Variants in SERPINB8 observed in about 807,000 individuals in gnomAD.
SERPINB8 encodes the protein serpin B8.
A neutral mutation model predicts 35.3 loss-of-function variants in SERPINB8; 25 were observed. That is an observed-to-expected ratio of 0.71 (90% CI 0.52 to 0.99). The LOEUF is 0.99. SERPINB8 is among the 50% of genes least tolerant of loss of function. SERPINB8 has a pLI of 0.00. For missense variants in SERPINB8, 484 were observed against 446.5 expected, an observed-to-expected ratio of 1.08 and a Z score of -0.76; for synonymous variants, 186 against 160.8, an observed-to-expected ratio of 1.16 and a Z score of -1.19.
downstream of SERPINB8, among the ~76,000 whole-genome samples, chr18:63,992,024 T>C (rs560381717): frequency 6.6e-6 from 1 of 152,346 alleles, no homozygotes; most frequent in Admixed American, 6.5e-5. Context: ...TGTCTAGTAT[T>C]GGATGCAATT....
Position 63,995,008 on chromosome 18 carries a change from C to T in SERPINB8, c.70+9763C>T, listed in dbSNP as rs138756081. 9.2e-5 allele frequency among the ~76,000 whole-genome samples: 14 copies of T among 152,292 alleles called. No homozygotes were observed. The East Asian group carries it at 2.7e-3, about 29-fold the overall frequency. On this transcript the variant is annotated intron_variant, in intron 1 of 1. Coordinates refer to the SERPINB8 transcript ENST00000493661. ...CTCTACTGGACGATCTAGGCAATGA[C>T]ATTCCCAAATTGCTCTCTGAGCCTG...
rs928634142 is a variant in SERPINB8, at chr18:63,972,684, C to G, written c.-11+2514C>G. The stretch of plus-strand genomic sequence containing the variant: ...GCCCCGGTGTGTGATTTTCCCCACC[C>G]TATGTCCAAGTGTTTTCATTGTTCA... On this transcript the variant is annotated intron_variant, in intron 1 of 6. Coordinates refer to ENST00000397985, the MANE Select transcript of SERPINB8 (RefSeq NM_002640.4). Among the ~76,000 whole-genome samples the G allele has an allele frequency of 5.3e-5, 8 of 151,304 alleles. No individual in the cohort carries two copies. In the South Asian group the frequency reaches 1.7e-3, roughly 32 times the overall value.
At chr18:63,999,234 G>C (rs1165276648) in intron 1 of SERPINB8, among the ~76,000 whole-genome samples, 2 of 152,166 alleles carry the variant, frequency 1.3e-5, no homozygotes, top group African/African-American at 4.8e-5. Flanking sequence ...TTGACTAGTA[G>C]TTGGATATGC....
downstream of SERPINB8, among the ~76,000 whole-genome samples, chr18:64,006,248 A>C (rs548306172): frequency 1.3e-5 from 2 of 152,350 alleles, no homozygotes; most frequent in East Asian, 3.9e-4. Context: ...GCTGAGGGAA[A>C]GTTAAGGCTG....
rs541479264 is a variant in SERPINB8 at position 63,987,611 on chromosome 18, G to A, written c.*333G>A. ...GGAGCCAGCCCTCTTCCATCCGCCCGGCTCTGCCCACCACCACTGCCAGGC... is the reference window on the plus strand; with the variant it reads ...GGAGCCAGCCCTCTTCCATCCGCCCAGCTCTGCCCACCACCACTGCCAGGC... On this transcript the variant is annotated 3_prime_UTR_variant, in exon 7 of 7. Coordinates refer to ENST00000397985, the MANE Select transcript of SERPINB8 (RefSeq NM_002640.4). The A allele has an allele frequency of 2.1e-4, 43 of 200,040 alleles. No individual in the cohort carries two copies. Among genetic ancestry groups the A allele is most frequent in the South Asian group, 3.7e-4 (4 of 10,804 alleles). 12.4% of individuals were successfully genotyped at this position (200,040 alleles called of 1,614,324 possible). A position where few individuals can be genotyped will look rare whatever the true frequency, so the allele number is the denominator to read the frequency against.
intron 1 of SERPINB8, among the ~76,000 whole-genome samples, chr18:64,000,933 C>T (rs903534790): frequency 2.6e-5 from 4 of 152,144 alleles, no homozygotes; most frequent in South Asian, 2.1e-4. Context: ...TCATGTATTT[C>T]GAATCTCTCT....
rs2050787770 is a variant in SERPINB8, at chr18:63,987,947, A to G, written c.*669A>G. ...ATTCCTTTTCCCTCTGAAACACACA[A>G]AATACCAAAGGAACTTACGCAACAC... On this transcript the variant is annotated 3_prime_UTR_variant, in exon 7 of 7. Coordinates refer to ENST00000397985, the MANE Select transcript of SERPINB8 (RefSeq NM_002640.4). The G allele has an allele frequency of 6.6e-6, 1 of 152,266 alleles. No homozygotes were observed. The highest frequency in any genetic ancestry group is 6.5e-5 in the Admixed American group (1 of 15,282). The allele number at this position is 152,266 out of a possible 1,614,324, so 9.4% of individuals were successfully genotyped here. A position where few individuals can be genotyped will look rare whatever the true frequency, so the allele number is the denominator to read the frequency against.
rs140805578 is a variant in SERPINB8 at position 63,986,917 on chromosome 18, A to G, written c.764A>G (p.Asn255Ser). ...TATGAGAAATTCAAAGCCTGGACAA[A>G]TTCAGAAAAGTTGACAAAAAGTAAG... ...LTYEKFKAWT[N>S]SEKLTKSKVQ... The change falls in exon 7 of 7, where the codon AAT becomes AGT. Residue 255 changes from asparagine (N) to serine (S), a missense_variant. By Grantham distance (46) the Asn-to-Ser change is conservative. Transcript: ENST00000397985. The G allele has an allele frequency of 1.9e-6, 3 of 1,613,440 alleles. No individual in the cohort carries two copies. Among genetic ancestry groups the G allele is most frequent in the Non-Finnish European group, 2.5e-6 (3 of 1,179,902 alleles).
intron 7 of SERPINB8, among the ~76,000 whole-genome samples, chr18:64,010,942 AAC>A (rs2050923077): frequency 1.1e-5 from 1 of 90,104 alleles, no homozygotes; most frequent in Non-Finnish European, 2.3e-5. Context: ...ACTTACTATT[AAC>A]ATATATATAT....
At chr18:63,981,955 A>G (rs560088746) in intron 4 of SERPINB8, 117 bp downstream of exon 4, 18 of 674,996 alleles carry the variant, frequency 2.7e-5, no homozygotes, top group Admixed American at 7.4e-5. Context: ...GCCTGTTTGT[A>G]TGTGTTTGCT....
intron 1 of SERPINB8, among the ~76,000 whole-genome samples, chr18:63,971,564 G>T (rs1381521830): frequency 6.6e-6 from 1 of 152,200 alleles, no homozygotes; most frequent in African/African-American, 2.4e-5. Context: ...CCTGTGCTCT[G>T]TCCCTATGTG....
downstream of SERPINB8, among the ~76,000 whole-genome samples, chr18:63,991,398 T>A (rs1174375927): frequency 6.6e-6 from 1 of 151,374 alleles, no homozygotes; most frequent in Admixed American, 6.6e-5. Flanking sequence ...CTCAGCATAG[T>A]TTTGTAGTTT....
intron 1 of SERPINB8, among the ~76,000 whole-genome samples, chr18:63,970,820 T>A (rs371990846): frequency 8.6e-5 from 13 of 150,978 alleles, no homozygotes; most frequent in East Asian, 4.0e-4. Context: ...TGCCTTCATC[T>A]TTCTGTATCT....
chr18:64,015,116 A>G (rs2050943669), intron 7 of SERPINB8, among the ~76,000 whole-genome samples: 1 of 152,040 alleles, frequency 6.6e-6, no homozygotes, highest in Non-Finnish European at 1.5e-5. Context: ...AATGGGCAAA[A>G]AGTTTTTGTC....
Position 63,983,591 on chromosome 18 carries a change from A to G in SERPINB8, c.437A>G (p.Glu146Gly), listed in dbSNP as rs2144813127. The change falls in exon 5 of 7, where the codon GAG becomes GGG. Residue 146 changes from glutamate to glycine, a missense_variant. Physicochemically the swap from Glu to Gly is moderately conservative, Grantham distance 98. Transcript: ENST00000397985. ...VAEKTEGKIS[E>G]VLDAGTVDPL... ...ATATTCTTTATAGGTAAGATTTCAGAGGTACTGGATGCTGGGACAGTCGAT... is the reference window on the plus strand; with the variant it reads ...ATATTCTTTATAGGTAAGATTTCAGGGGTACTGGATGCTGGGACAGTCGAT... 6.2e-7 allele frequency: 1 copy of G among 1,613,618 alleles called. No individual in the cohort carries two copies. Among genetic ancestry groups the G allele is most frequent in the South Asian group, 1.1e-5 (1 of 91,030 alleles).
chr18:63,976,908 ATT>A (rs745947504), intron 1 of SERPINB8, among the ~76,000 whole-genome samples: 18 of 144,464 alleles, frequency 1.2e-4, no homozygotes, highest in Admixed American at 3.5e-4. Context: ...TTAAAAAGTA[ATT>A]TTTTTTTTTT....
At chr18:63,998,155 C>A (rs2050858761) in intron 1 of SERPINB8, among the ~76,000 whole-genome samples, 1 of 152,194 alleles carries the variant, frequency 6.6e-6, no homozygotes, top group Non-Finnish European at 1.5e-5. Flanking sequence ...CCAGGATGTT[C>A]TTTGCAGGTT....
At chr18:63,991,297 A>G (rs964221109), downstream of SERPINB8, among the ~76,000 whole-genome samples, 1 of 152,224 alleles carries the variant, frequency 6.6e-6, no homozygotes, top group Non-Finnish European at 1.5e-5. Context: ...CTAAATATCA[A>G]TTTGGAGAGA....
intron 1 of SERPINB8, among the ~76,000 whole-genome samples, chr18:63,995,749 T>TC (rs751329584): frequency 3.3e-5 from 5 of 152,212 alleles, no homozygotes; most frequent in Non-Finnish European, 7.3e-5. Flanking sequence ...CATCAGGAAT[T>TC]CCATCTAGGT....
Sources: gnomAD v4.1 joint callset for allele counts (sites outside exome capture counted in the v4.1 genomes callset) on GRCh38, gnomAD v4.1.1 for gene constraint, MANE v1.5 for transcripts, NCBI Gene and HGNC (gene_info 2026-07-23, HGNC 2026-07-21) for gene names.